The following ALG12 variants were observed in gnomAD, a reference collection of about 807,000 sequenced individuals.
ALG12 encodes dol-P-Man:Man(7)GlcNAc(2)-PP-Dol alpha-1,6-mannosyltransferase.
Under a neutral mutation model 46.0 loss-of-function variants are expected in ALG12, and 36 were observed. The observed-to-expected ratio is 0.78, with a 90% CI of 0.60 to 1.03. The LOEUF (loss-of-function observed/expected upper bound fraction) is 1.03. Among genes scored for constraint, ALG12 ranks in the 50% least tolerant of loss-of-function variants. ALG12 has a pLI of 0.00. For synonymous variants in ALG12, 326 were observed against 291.6 expected (o/e 1.12, Z -1.20); for missense variants, 599 against 633.5 (o/e 0.95, Z 0.58).
At position 49,910,627 on chromosome 22, in the gene ALG12, G is replaced by A; in HGVS notation, c.296-20C>T. On this transcript the variant is annotated intron_variant, in intron 3 of 9. Coordinates refer to ENST00000330817, the MANE Select transcript of ALG12 (RefSeq NM_024105.4). ...CTCTAACTAAACAAAGACAGTGACAGCACCTGAGCCTGCAGTGGAGGAGTA... is the reference window on the plus strand; with the variant it reads ...CTCTAACTAAACAAAGACAGTGACAACACCTGAGCCTGCAGTGGAGGAGTA... 5 of 1,613,984 alleles carry A rather than the reference G, an allele frequency of 3.1e-6. No individual in the cohort carries two copies. The highest frequency in any genetic ancestry group is 4.5e-5 in the East Asian group (2 of 44,892).
At chr22:49,863,964 C>G in the ALG12 span, among the ~76,000 whole-genome samples, 1 of 152,324 alleles carries the variant, frequency 6.6e-6, no homozygotes, top group African/African-American at 2.4e-5. Flanking sequence ...TTCCTGAACT[C>G]TCTCAGAGGT....
In ALG12 at chr22:49,902,001, GTGTA is replaced by G. The variant is rs1028389256; in HGVS notation, c.*1833_*1836del. On this transcript the variant is annotated 3_prime_UTR_variant, in exon 10 of 10. Coordinates refer to ENST00000330817, the MANE Select transcript of ALG12 (RefSeq NM_024105.4). ...TGCATGGTGTGTGCACGTGTGCACT[GTGTA>G]TGCATGGTAATGTGCACGCGTGCAC... is the stretch of plus-strand genomic sequence containing the variant. 1 of 122,260 alleles carries G rather than the reference GTGTA, an allele frequency of 8.2e-6. No individual in the cohort carries two copies. The highest frequency in any genetic ancestry group is 2.2e-4 in the East Asian group (1 of 4,532). 7.6% of individuals were successfully genotyped at this position (122,260 alleles called of 1,614,324 possible).
intron 1 of ALG12, among the ~76,000 whole-genome samples, chr22:49,916,735 T>A (rs932420704): frequency 3.3e-5 from 5 of 152,182 alleles, no homozygotes; most frequent in Admixed American, 6.5e-5. Context: ...GGGTACTGCT[T>A]GAGGCCCGGA....
At chr22:49,916,994 G>A (rs914403609) in intron 1 of ALG12, among the ~76,000 whole-genome samples, 2 of 152,144 alleles carry the variant, frequency 1.3e-5, no homozygotes, top group Non-Finnish European at 2.9e-5. Flanking sequence ...GCACCTCCTC[G>A]GACCCAACAA....
At chr22:49,890,640 C>T in the ALG12 span, among the ~76,000 whole-genome samples, 7 of 152,164 alleles carry the variant, frequency 4.6e-5, no homozygotes, top group Non-Finnish European at 8.8e-5. Context: ...GCATTGTCAT[C>T]GTGGAGAAAG....
Position 49,906,746 on chromosome 22 carries a change from G to A in ALG12, c.992+975C>T, listed in dbSNP as rs2060543993. Among the ~76,000 whole-genome samples, 1 of 152,182 alleles carries A rather than the reference G, an allele frequency of 6.6e-6. No individual in the cohort carries two copies. The highest frequency in any genetic ancestry group is 2.4e-5 in the African/African-American group (1 of 41,454). On this transcript the variant is annotated intron_variant, in intron 7 of 9. Transcript: ENST00000330817. This position sits in a 1 kb window ranked among gnomAD's most constrained non-coding sequence, Gnocchi z 4.4. ...TGAGTTGGCCTCCTGTTCCCATCAA[G>A]GCAGCAAACTCTGAACGGGCACAGA...
chr22:49,867,663 G>C, the ALG12 span, among the ~76,000 whole-genome samples: 2 of 152,162 alleles, frequency 1.3e-5, no homozygotes, highest in Non-Finnish European at 1.5e-5. Flanking sequence ...TTGGCTACTT[G>C]GGGATGCTCG....
chr22:49,870,515 C>T, the ALG12 span, among the ~76,000 whole-genome samples: 1 of 152,032 alleles, frequency 6.6e-6, no homozygotes, highest in Non-Finnish European at 1.5e-5. Flanking sequence ...TAATAAAAGC[C>T]ATTGTGACGG....
At chr22:49,863,175 TTTGGTTGGTTGG>T in the ALG12 span, among the ~76,000 whole-genome samples, 8 of 151,932 alleles carry the variant, frequency 5.3e-5, no homozygotes, top group African/African-American at 1.9e-4. Context: ...GTAGATTGTG[TTTGGTTGGTTGG>T]TTGGTTGGTT....
the ALG12 span, among the ~76,000 whole-genome samples, chr22:49,892,084 A>G: frequency 6.9e-6 from 1 of 145,378 alleles, no homozygotes; most frequent in African/African-American, 2.5e-5. Flanking sequence ...GCTACTCTGG[A>G]GGCTGAGGCA....
At chr22:49,863,258 C>G in the ALG12 span, among the ~76,000 whole-genome samples, 2 of 152,042 alleles carry the variant, frequency 1.3e-5, no homozygotes, top group East Asian at 3.9e-4. Flanking sequence ...CTCCCGGGCT[C>G]AAGTGATTTT....
Position 49,906,526 on chromosome 22 carries a change from G to A in ALG12, c.992+1195C>T, listed in dbSNP as rs561328152. Among the ~76,000 whole-genome samples, 1 of 152,258 alleles carries A rather than the reference G, an allele frequency of 6.6e-6. No homozygotes were observed. The highest frequency in any genetic ancestry group is 6.5e-5 in the Admixed American group (1 of 15,310). ...AGAGGAGCTCCCAGGCCCGAGGGCA[G>A]TGCGGGGCAGTCGGAGCTGGGGGGC... On this transcript the variant is annotated intron_variant, in intron 7 of 9. Coordinates refer to ENST00000330817, the MANE Select transcript of ALG12 (RefSeq NM_024105.4). The surrounding 1 kb of genome is among the most constrained non-coding windows in gnomAD (Gnocchi z 4.4).
chr22:49,887,355 A>G, the ALG12 span: 4 of 550,542 alleles, frequency 7.3e-6, no homozygotes, highest in Non-Finnish European at 1.3e-5. Context: ...CTTCAGGCCA[A>G]GTTTCGCGGG....
downstream of ALG12, among the ~76,000 whole-genome samples, chr22:49,896,185 A>C (rs1460562053): frequency 6.6e-6 from 1 of 152,246 alleles, no homozygotes; most frequent in Non-Finnish European, 1.5e-5. Flanking sequence ...TGTCTCTTGC[A>C]TGAGACTTCT....
At chr22:49,876,434 G>A in the ALG12 span, among the ~76,000 whole-genome samples, 4 of 152,108 alleles carry the variant, frequency 2.6e-5, no homozygotes, top group Admixed American at 6.5e-5. Context: ...GCTTTGCTTC[G>A]TGGTTTTGAA....
chr22:49,865,341 A>G, the ALG12 span, among the ~76,000 whole-genome samples: 1 of 152,088 alleles, frequency 6.6e-6, no homozygotes, highest in South Asian at 2.1e-4. Context: ...GCAGCACGTG[A>G]CTGTGTGTGT....
chr22:49,865,055 T>G, the ALG12 span, among the ~76,000 whole-genome samples: 1 of 150,728 alleles, frequency 6.6e-6, no homozygotes, highest in Non-Finnish European at 1.5e-5. Flanking sequence ...CGGGTCTCAC[T>G]AAGGGCAGGG....
intron 1 of ALG12, among the ~76,000 whole-genome samples, chr22:49,915,386 GTC>G (rs2060603892): frequency 1.3e-5 from 2 of 151,854 alleles, no homozygotes; most frequent in African/African-American, 2.4e-5. Context: ...GTGAAACCCT[GTC>G]TCTACTAAAA....
the ALG12 span, among the ~76,000 whole-genome samples, chr22:49,893,391 GAA>G: frequency 6.6e-6 from 1 of 152,154 alleles, no homozygotes; most frequent in Non-Finnish European, 1.5e-5. Flanking sequence ...AACCCAAAGA[GAA>G]AGAGACAACC....
Sources: allele counts gnomAD v4.1 joint callset (sites outside exome capture counted in the v4.1 genomes callset), GRCh38; gene constraint gnomAD v4.1.1; non-coding constraint Gnocchi (gnomAD v3.1); transcripts MANE v1.5; gene names NCBI Gene and HGNC (gene_info 2026-07-23, HGNC 2026-07-21).